Variants in SPATS2 observed in about 807,000 individuals in gnomAD.
SPATS2 encodes the protein spermatogenesis-associated serine-rich protein 2.
SPATS2 carries 38 observed loss-of-function variants against 63.7 expected under a neutral mutation model. The observed-to-expected ratio is 0.60, with a 90% confidence interval of 0.46 to 0.78. The LOEUF is 0.78. Ranked by LOEUF, SPATS2 falls within the 30% of genes least tolerant of loss-of-function variation. The probability of loss-of-function intolerance (pLI) is 0.00; values close to 1 mark genes in which losing one functional copy is unlikely to be tolerated. For synonymous variants in SPATS2, 207 were observed against 232.9 expected, an observed-to-expected ratio of 0.89 and a Z score of 1.01; for missense variants, 588 against 666.2, an observed-to-expected ratio of 0.88 and a Z score of 1.29.
chr12:49,378,173 A>G (rs1039528010), intron 2 of SPATS2, among the ~76,000 whole-genome samples: 3 of 151,952 alleles, frequency 2.0e-5, no homozygotes, highest in Admixed American at 6.6e-5. Context: ...GGGTTTCACC[A>G]TGTTGGCCAG....
At chr12:49,420,343 C>G (rs148086005) in intron 2 of SPATS2, among the ~76,000 whole-genome samples, 8 of 152,138 alleles carry the variant, frequency 5.3e-5, no homozygotes, top group African/African-American at 1.7e-4. Flanking sequence ...CCTGTAATCC[C>G]AGCAATTTGG....
At chr12:49,369,968 G>T (rs557764433) in intron 1 of SPATS2, among the ~76,000 whole-genome samples, 1 of 152,284 alleles carries the variant, frequency 6.6e-6, no homozygotes, top group African/African-American at 2.4e-5. Flanking sequence ...GAAACCAGGA[G>T]TGAAACAACT....
intron 2 of SPATS2, among the ~76,000 whole-genome samples, chr12:49,439,850 A>G (rs1201695045): frequency 1.3e-5 from 2 of 152,206 alleles, no homozygotes; most frequent in East Asian, 3.8e-4. Context: ...TTACGCTGAC[A>G]TTAGTTTCCT....
chr12:49,395,325 T>C (rs772977231), intron 2 of SPATS2, among the ~76,000 whole-genome samples: 2 of 151,550 alleles, frequency 1.3e-5, no homozygotes, highest in Non-Finnish European at 2.9e-5. Context: ...CTTGCCTGAT[T>C]GCACTGGCTG....
chr12:49,471,728 GTT>G (rs2137755639), intron 3 of SPATS2, among the ~76,000 whole-genome samples: 1 of 152,232 alleles, frequency 6.6e-6, no homozygotes, highest in Admixed American at 6.5e-5. Context: ...GTCCAGAACT[GTT>G]TTCATATTGT....
intron 2 of SPATS2, among the ~76,000 whole-genome samples, chr12:49,438,904 C>T (rs1945365604): frequency 6.6e-6 from 1 of 152,190 alleles, no homozygotes; most frequent in Non-Finnish European, 1.5e-5. Flanking sequence ...ATCAAAGGCT[C>T]TGTCCTCATG....
intron 2 of SPATS2, among the ~76,000 whole-genome samples, chr12:49,423,967 C>T (rs1388428572): frequency 6.6e-6 from 1 of 152,134 alleles, no homozygotes; most frequent in Non-Finnish European, 1.5e-5. Flanking sequence ...CTTTGGGAGG[C>T]CAAGGCGGGC....
chr12:49,451,821 T>C (rs1384375994), intron 2 of SPATS2, among the ~76,000 whole-genome samples: 4 of 152,264 alleles, frequency 2.6e-5, no homozygotes, highest in Non-Finnish European at 5.9e-5. Context: ...ATGGATTCTC[T>C]GTAAGTCTTT....
At chr12:49,513,878 C>T (rs1157193494) in intron 9 of SPATS2, among the ~76,000 whole-genome samples, 3 of 152,042 alleles carry the variant, frequency 2.0e-5, no homozygotes, top group Non-Finnish European at 4.4e-5. Flanking sequence ...GAGTACAGGC[C>T]GGGCGCGGTG....
At chr12:49,393,266 C>CTT (rs1290442903) in intron 2 of SPATS2, among the ~76,000 whole-genome samples, 2 of 152,128 alleles carry the variant, frequency 1.3e-5, no homozygotes, top group East Asian at 3.9e-4. Flanking sequence ...CCACTCACTA[C>CTT]TTTTCATGAG....
chr12:49,486,931 A>G (rs1946304864), intron 4 of SPATS2, among the ~76,000 whole-genome samples: 1 of 152,138 alleles, frequency 6.6e-6, no homozygotes, highest in East Asian at 1.9e-4. Context: ...GACATCTTCA[A>G]TTCAAATATA....
intron 2 of SPATS2, among the ~76,000 whole-genome samples, chr12:49,412,509 T>C (rs7488923): frequency 0.34 from 52,033 of 151,938 alleles, 12,645 homozygotes; most frequent in African/African-American, 0.69. Context: ...GTTAAATTAC[T>C]TAATAATTTA....
At chr12:49,514,721 T>C in intron 10 of SPATS2, 108 bp downstream of exon 10, 1 of 945,028 alleles carries the variant, frequency 1.1e-6, no homozygotes, top group Non-Finnish European at 1.6e-6. Flanking sequence ...TAAGAGTTTA[T>C]ATATTTAAAT....
intron 6 of SPATS2, among the ~76,000 whole-genome samples, chr12:49,493,930 T>C (rs1440906443): frequency 6.6e-6 from 1 of 152,252 alleles, no homozygotes; most frequent in Non-Finnish European, 1.5e-5. Context: ...TATGGATACA[T>C]AGTCATCCTG....
intron 3 of SPATS2, among the ~76,000 whole-genome samples, chr12:49,471,398 G>A (rs1452285273): frequency 6.6e-6 from 1 of 152,134 alleles, no homozygotes; most frequent in African/African-American, 2.4e-5. Context: ...AAATGCAGTG[G>A]CACAGTCAGC....
At chr12:49,393,113 G>A (rs1273272553) in intron 2 of SPATS2, among the ~76,000 whole-genome samples, 2 of 152,004 alleles carry the variant, frequency 1.3e-5, no homozygotes, top group African/African-American at 4.8e-5. Context: ...CCTTAATTAT[G>A]CCAATTGGAG....
intron 2 of SPATS2, among the ~76,000 whole-genome samples, chr12:49,436,249 G>A (rs1464591223): frequency 6.7e-5 from 10 of 149,618 alleles, no homozygotes; most frequent in Admixed American, 2.0e-4. Flanking sequence ...CCTCCCGGAC[G>A]GGGCGGCTGG....
chr12:49,525,922 C>T, intron 13 of SPATS2, 22 bp from the exon 14 acceptor site: 1 of 1,606,498 alleles, frequency 6.2e-7, no homozygotes, highest in Non-Finnish European at 8.5e-7. Flanking sequence ...GCACCTTGAA[C>T]ATTGTATTCT....
chr12:49,366,872 G>C (rs1321022618), upstream of SPATS2: 1 of 151,908 alleles, frequency 6.6e-6, no homozygotes, highest in Admixed American at 6.6e-5. Flanking sequence ...AGTTCAGCTC[G>C]GGCCCTCCGT....
Sources: allele counts gnomAD v4.1 joint callset (sites outside exome capture counted in the v4.1 genomes callset), GRCh38; gene constraint gnomAD v4.1.1; transcripts MANE v1.5; gene names NCBI Gene and HGNC (gene_info 2026-07-23, HGNC 2026-07-21).